The following ARK2C variants were observed in gnomAD, a reference collection of about 807,000 sequenced individuals.
ARK2C encodes the protein arkadia (RNF111) C-terminal like ring finger ubiquitin ligase 2C.
chr18:46,373,022 G>A, the ARK2C span, among the ~76,000 whole-genome samples: 1 of 152,242 alleles, frequency 6.6e-6, no homozygotes, highest in Non-Finnish European at 1.5e-5. Flanking sequence ...GTGCATGTGC[G>A]AGTGTGTGTG....
At chr18:46,393,492 C>T in the ARK2C span, among the ~76,000 whole-genome samples, 1 of 152,198 alleles carries the variant, frequency 6.6e-6, no homozygotes, top group Non-Finnish European at 1.5e-5. Context: ...GCTTCCTTCT[C>T]TTTCTGCCAG....
chr18:46,372,912 A>G, the ARK2C span, among the ~76,000 whole-genome samples: 1 of 152,190 alleles, frequency 6.6e-6, no homozygotes, highest in Non-Finnish European at 1.5e-5. Context: ...TGTGGCCTCC[A>G]CTTCTCCCTT....
the ARK2C span, chr18:46,433,162 T>A: frequency 6.6e-7 from 1 of 1,524,112 alleles, no homozygotes. Flanking sequence ...CTGGTCGTCA[T>A]GGAGATGTCT....
the ARK2C span, among the ~76,000 whole-genome samples, chr18:46,422,694 G>A: frequency 6.6e-6 from 1 of 152,210 alleles, no homozygotes; most frequent in Admixed American, 6.5e-5. Flanking sequence ...GAGGGTAGAT[G>A]TTGCAGGGAA....
At chr18:46,460,696 G>T in the ARK2C span, 1 of 152,264 alleles carries the variant, frequency 6.6e-6, no homozygotes, top group Non-Finnish European at 1.5e-5. Context: ...ACTTTATTTC[G>T]TCCGAACTAT....
chr18:46,387,865 G>A, the ARK2C span, among the ~76,000 whole-genome samples: 1 of 152,232 alleles, frequency 6.6e-6, no homozygotes, highest in Admixed American at 6.5e-5. Flanking sequence ...GCCAGTGCAG[G>A]GCAACGCAGG....
chr18:46,405,723 T>G, the ARK2C span, among the ~76,000 whole-genome samples: 2 of 152,078 alleles, frequency 1.3e-5, no homozygotes, highest in Non-Finnish European at 2.9e-5. Context: ...GATGTGTATT[T>G]GGGCCATCCA....
the ARK2C span, among the ~76,000 whole-genome samples, chr18:46,389,740 T>C: frequency 2.6e-5 from 4 of 151,876 alleles, no homozygotes; most frequent in Admixed American, 2.0e-4. Context: ...CTTTCCTTTT[T>C]TTTTTTCAGA....
the ARK2C span, among the ~76,000 whole-genome samples, chr18:46,430,264 A>G: frequency 8.3e-4 from 126 of 152,294 alleles, no homozygotes; most frequent in African/African-American, 2.9e-3. Flanking sequence ...CTTCCCCCTC[A>G]ATACCTTGAA....
the ARK2C span, among the ~76,000 whole-genome samples, chr18:46,420,586 T>C: frequency 2.0e-5 from 3 of 152,182 alleles, no homozygotes; most frequent in African/African-American, 7.2e-5. Flanking sequence ...GGCTCACGCC[T>C]GTAATCTCAG....
chr18:46,375,953 T>A, the ARK2C span, among the ~76,000 whole-genome samples: 2 of 152,188 alleles, frequency 1.3e-5, no homozygotes, highest in Non-Finnish European at 1.5e-5. Context: ...TGACTTAATC[T>A]TCTTTTGCTT....
chr18:46,461,033 T>C, the ARK2C span: 2 of 152,198 alleles, frequency 1.3e-5, no homozygotes, highest in Non-Finnish European at 2.9e-5. Flanking sequence ...TAGAGGCCAC[T>C]GTCTCCACCT....
the ARK2C span, chr18:46,386,573 C>CCCACAT: frequency 3.3e-5 from 5 of 151,384 alleles, no homozygotes; most frequent in Admixed American, 3.3e-4. Context: ...CATCCATTCA[C>CCCACAT]CCACCCATCC....
chr18:46,421,431 G>A, the ARK2C span, among the ~76,000 whole-genome samples: 1 of 152,188 alleles, frequency 6.6e-6, no homozygotes, highest in Non-Finnish European at 1.5e-5. Context: ...TCTGTGCCAG[G>A]CAGTAGGGGT....
At chr18:46,355,669 C>CT in the ARK2C span, among the ~76,000 whole-genome samples, 2 of 152,216 alleles carry the variant, frequency 1.3e-5, no homozygotes, top group South Asian at 4.1e-4. Flanking sequence ...GCCACAATCT[C>CT]TAAGTGCCCC....
At chr18:46,433,584 G>C in the ARK2C span, 3 of 1,264,014 alleles carry the variant, frequency 2.4e-6, no homozygotes, top group Non-Finnish European at 3.2e-6. Context: ...GGCAGGGCCA[G>C]GACGAGGGCG....
chr18:46,405,209 C>T, the ARK2C span, among the ~76,000 whole-genome samples: 1 of 152,020 alleles, frequency 6.6e-6, no homozygotes. Context: ...GGAGAGTATC[C>T]CATAGTAAAA....
the ARK2C span, among the ~76,000 whole-genome samples, chr18:46,404,006 C>A: frequency 6.6e-6 from 1 of 152,212 alleles, no homozygotes; most frequent in East Asian, 1.9e-4. Context: ...ATTAACAATT[C>A]CCTCTTTCCC....
At chr18:46,456,770 G>A in the ARK2C span, 2 of 716,914 alleles carry the variant, frequency 2.8e-6, no homozygotes, top group Non-Finnish European at 5.1e-6. Context: ...GTGGAAAGAG[G>A]AGTTGGTGGT....
Sources: allele counts gnomAD v4.1 joint callset (sites outside exome capture counted in the v4.1 genomes callset), GRCh38; gene constraint gnomAD v4.1.1; transcripts MANE v1.5; gene names NCBI Gene and HGNC (gene_info 2026-07-23, HGNC 2026-07-21).